SCARF1: variants seen among roughly 807,000 people sequenced by gnomAD.
SCARF1 encodes scavenger receptor class F member 1.
SCARF1 carries 49 observed loss-of-function variants against 76.3 expected under a neutral mutation model. The observed-to-expected ratio is 0.64, with a 90% CI of 0.51 to 0.81. The LOEUF (loss-of-function observed/expected upper bound fraction) is 0.81. Ranked by LOEUF, SCARF1 falls within the 40% of genes least tolerant of loss-of-function variation. The pLI, the probability that SCARF1 is intolerant of heterozygous loss-of-function variation, is 0.00. For missense variants in SCARF1, 1,098 were observed against 1,143.9 expected, an observed-to-expected ratio of 0.96 and a Z score of 0.58; for synonymous variants, 495 against 474.6, an observed-to-expected ratio of 1.04 and a Z score of -0.56.
In SCARF1 at chr17:1,640,088, C is replaced by G. The variant is rs749479214; in HGVS notation, c.1011-48G>C. ...GAAGGGGAGACCAAGGCAGGCCTGG[C>G]CCCCACTGTGGGGCCCCACCCCTCC... is the stretch of plus-strand genomic sequence containing the variant. On this transcript the variant is annotated intron_variant, in intron 5 of 10. Coordinates refer to ENST00000263071, the MANE Select transcript of SCARF1 (RefSeq NM_003693.4). This position sits in a 1 kb window ranked among gnomAD's most constrained non-coding sequence, Gnocchi z 4.7. The G allele has an allele frequency of 1.3e-6, 2 of 1,598,666 alleles. No homozygotes were observed. The highest frequency in any genetic ancestry group is 8.5e-7 in the Non-Finnish European group (1 of 1,172,774).
Position 1,640,040 on chromosome 17 carries a change from C to T in SCARF1, c.1011G>A (p.Arg337=). The T allele has an allele frequency of 3.1e-6, 5 of 1,613,292 alleles. No individual in the cohort carries two copies. The highest frequency in any genetic ancestry group is 3.4e-6 in the Non-Finnish European group (4 of 1,179,794). The change falls in exon 6 of 11, where the codon AGG becomes AGA. Residue 337 remains arginine (R), a splice_region_variant and synonymous_variant. Coordinates refer to ENST00000263071, the MANE Select transcript of SCARF1 (RefSeq NM_003693.4). The surrounding 1 kb of genome is among the most constrained non-coding windows in gnomAD (Gnocchi z 4.7). ...TACCAGTGGGGCAGGGGTCTTCACA[C>T]CTGGGGTGAGGCAAGACTCGGGGAA... is the stretch of plus-strand genomic sequence containing the variant. ...QRCDPGWLGP[R]CEDPCPTGTF...
At chr17:1,639,053 C>G in intron 7 of SCARF1, 127 bp from the exon 8 acceptor site, 1 of 990,922 alleles carries the variant, frequency 1.0e-6, no homozygotes, top group Non-Finnish European at 1.5e-6. Flanking sequence ...GGCAGCCCCT[C>G]TGCTGGCGTG....
Position 1,644,309 on chromosome 17 carries a change from G to C in SCARF1, c.266-342C>G. ...CTCCCTGCCGAGATGGATCTCTGCT[G>C]GGCTGGAGGAGAGCTGGCTTTCTCC... is the stretch of plus-strand genomic sequence containing the variant. On this transcript the variant is annotated intron_variant, in intron 3 of 10. Transcript: ENST00000263071. The surrounding 1 kb of genome is among the most constrained non-coding windows in gnomAD (Gnocchi z 4.8). 3.2e-6 allele frequency: 1 copy of C among 309,362 alleles called. No homozygotes were observed. Among genetic ancestry groups the C allele is most frequent in the Non-Finnish European group, 5.9e-6 (1 of 168,464 alleles). 19.2% of individuals were successfully genotyped at this position (309,362 alleles called of 1,614,324 possible).
Position 1,644,845 on chromosome 17 carries a change from T to G in SCARF1, c.254A>C (p.His85Pro). Residue 85 changes from histidine (H) to proline (P), a missense_variant, in exon 3 of 11, where the codon CAC becomes CCC. His to Pro is a moderately conservative substitution (Grantham distance 77, BLOSUM62 -2). Coordinates refer to ENST00000263071, the MANE Select transcript of SCARF1 (RefSeq NM_003693.4). The surrounding 1 kb of genome is among the most constrained non-coding windows in gnomAD (Gnocchi z 4.8). ...CRCKPGFFGA[H>P]CSSRCPGQYW... ...CCCTTGAGACTCACGGGAGCTGCAG[T>G]GGGCCCCAAAGAATCCAGGCTTGCA... 1 of 1,612,946 alleles carries G rather than the reference T, an allele frequency of 6.2e-7. No individual in the cohort carries two copies. Among genetic ancestry groups the G allele is most frequent in the Middle Eastern group, 1.6e-4 (1 of 6,062 alleles).
At position 1,644,044 on chromosome 17, in the gene SCARF1, G is replaced by C. The variant is rs894456135; in HGVS notation, c.266-77C>G. ...CCTTACCCTGCGTCCCCTTCCTCAAGGAAAAGGGGCGCTGGGCCCATCCTC... is the reference window on the plus strand; with the variant it reads ...CCTTACCCTGCGTCCCCTTCCTCAACGAAAAGGGGCGCTGGGCCCATCCTC... On this transcript the variant is annotated intron_variant, in intron 3 of 10. Transcript: ENST00000263071. This position sits in a 1 kb window ranked among gnomAD's most constrained non-coding sequence, Gnocchi z 4.8. 8.7e-7 allele frequency: 1 copy of C among 1,148,544 alleles called. No individual in the cohort carries two copies. The highest frequency in any genetic ancestry group is 4.2e-5 in the Admixed American group (1 of 23,560). The allele number at this position is 1,148,544 out of a possible 1,614,324, so 71.1% of individuals were successfully genotyped here.
rs369553841 is a variant in SCARF1, at chr17:1,635,471, C to T, written c.1780G>A (p.Glu594Lys). 13 of 1,613,924 alleles carry T rather than the reference C, an allele frequency of 8.1e-6. No individual in the cohort carries two copies. The African/African-American group carries it at 1.7e-4, about 22-fold the overall frequency. The stretch of plus-strand genomic sequence containing the variant: ...CTCTGTGGTGCAAACTTGGTACCTT[C>T]CGCGAAGGAGACCGATGGCCGCTTG... ...RAKRPSVSFA[E>K]GTKFAPQSRR... Residue 594 changes from glutamate to lysine, a missense_variant, in exon 11 of 11, where the codon GAA (glutamate) becomes AAA (lysine). Glu to Lys is a moderately conservative substitution (Grantham distance 56). Transcript: ENST00000263071.
Position 1,635,023 on chromosome 17 carries a change from G to A in SCARF1, c.2228C>T (p.Pro743Leu). 3 of 1,613,914 alleles carry A rather than the reference G, an allele frequency of 1.9e-6. No homozygotes were observed. Among genetic ancestry groups the A allele is most frequent in the Non-Finnish European group, 2.5e-6 (3 of 1,179,898 alleles). ...GCCGACAGAGCCAGAGGCAAGGCCA[G>A]GGCTGCCCTTTTTCCGATTCAGGGC... ...RQALNRKKGS[P>L]GLASGSVGQS... The change falls in exon 11 of 11, where the codon CCT (proline) becomes CTT (leucine). Residue 743 changes from proline (P) to leucine (L), a missense_variant. Coordinates refer to ENST00000263071, the MANE Select transcript of SCARF1 (RefSeq NM_003693.4).
At chr17:1,643,082 C>T (rs1404498965) in intron 4 of SCARF1, among the ~76,000 whole-genome samples, 2 of 151,972 alleles carry the variant, frequency 1.3e-5, no homozygotes, top group Non-Finnish European at 2.9e-5. Context: ...CCTCCCGGCG[C>T]CCCGCCGCGG....
intron 4 of SCARF1, among the ~76,000 whole-genome samples, chr17:1,641,931 A>G (rs1306841552): frequency 2.0e-5 from 3 of 152,022 alleles, no homozygotes; most frequent in African/African-American, 7.2e-5. Flanking sequence ...CATGTTAGCC[A>G]GGCTGGTCTC....
chr17:1,635,322 G>C lies in SCARF1; in HGVS notation c.1929C>G (p.Ala643=). 6.2e-7 allele frequency: 1 copy of C among 1,612,646 alleles called. No individual in the cohort carries two copies. The highest frequency in any genetic ancestry group is 8.5e-7 in the Non-Finnish European group (1 of 1,179,384). The change falls in exon 11 of 11, where the codon GCC becomes GCG. Residue 643 remains alanine (A), a synonymous_variant. Transcript: ENST00000263071. ...TGGCAGCCGCCGGAAAGGACTCGGG[G>C]GCTTCTGCTTCCTCTGGGCCTGTGG... The part of the protein sequence containing the change: ...EESTGPEEAE[A]PESFPAAASP...
chr17:1,640,281 C>T lies in SCARF1; in HGVS notation c.1010+167G>A. 2 of 786,710 alleles carry T rather than the reference C, an allele frequency of 2.5e-6. No individual in the cohort carries two copies. Among genetic ancestry groups the T allele is most frequent in the South Asian group, 3.7e-5 (2 of 54,386 alleles). The allele number at this position is 786,710 out of a possible 1,614,324, so 48.7% of individuals were successfully genotyped here. A position where few individuals can be genotyped will look rare whatever the true frequency, so the allele number is the denominator to read the frequency against. On this transcript the variant is annotated intron_variant, in intron 5 of 10. Coordinates refer to ENST00000263071, the MANE Select transcript of SCARF1 (RefSeq NM_003693.4). This position sits in a 1 kb window ranked among gnomAD's most constrained non-coding sequence, Gnocchi z 4.7. Reference sequence around the variant, plus strand: ...AGAGGGGAGGGAGCTGGGATCCTGCCCAGGCCCCCCCAGAACCCACTGCTC... The same window carrying T: ...AGAGGGGAGGGAGCTGGGATCCTGCTCAGGCCCCCCCAGAACCCACTGCTC...
In SCARF1 at chr17:1,645,046, T is replaced by G; in HGVS notation, c.164-111A>C. ...TCCTCAAGAGGTGCCCCTTCAGGCC[T>G]GGGGGTGCGTCACAGGAGAAACCCT... On this transcript the variant is annotated intron_variant, in intron 2 of 10. Coordinates refer to ENST00000263071, the MANE Select transcript of SCARF1 (RefSeq NM_003693.4). The surrounding 1 kb of genome is among the most constrained non-coding windows in gnomAD (Gnocchi z 6.3). 6.6e-7 allele frequency: 1 copy of G among 1,522,460 alleles called. No homozygotes were observed. The highest frequency in any genetic ancestry group is 9.0e-7 in the Non-Finnish European group (1 of 1,111,964). 94.3% of individuals were successfully genotyped at this position (1,522,460 alleles called of 1,614,324 possible). A position where few individuals can be genotyped will look rare whatever the true frequency, so the allele number is the denominator to read the frequency against.
rs1412665542 is a variant in SCARF1 at position 1,635,549 on chromosome 17, CAG to C, written c.1700_1701del (p.Pro567ArgfsTer61). On this transcript the variant is annotated frameshift_variant, in exon 11 of 11. Coordinates refer to ENST00000263071, the MANE Select transcript of SCARF1 (RefSeq NM_003693.4). LOFTEE classifies it low-confidence loss of function (END_TRUNC). ...ASLAAGAFPP[P>X]EDASTPFAIP... ...ATGGCGAATGGCGTGGAGGCGTCCT[CAG>C]GGGGCGGGAAAGCACCTGCAGCCAG... 3 of 1,612,358 alleles carry C rather than the reference CAG, an allele frequency of 1.9e-6. No individual in the cohort carries two copies. Among genetic ancestry groups the C allele is most frequent in the Non-Finnish European group, 2.5e-6 (3 of 1,179,986 alleles).
intron 7 of SCARF1, 58 bp downstream of exon 7, chr17:1,639,581 C>T: frequency 8.2e-7 from 1 of 1,223,414 alleles, no homozygotes; most frequent in Non-Finnish European, 1.2e-6. Flanking sequence ...CCCTGGAGCC[C>T]ATGTGAAGGG....
Position 1,640,606 on chromosome 17 carries a change from G to C in SCARF1, c.852C>G (p.Cys284Trp). The C allele has an allele frequency of 6.2e-7, 1 of 1,612,272 alleles. No homozygotes were observed. The highest frequency in any genetic ancestry group is 8.5e-7 in the Non-Finnish European group (1 of 1,179,678). Reference protein sequence around the residue: ...CSPDTGSCESCEPGWNGTQCQ... With the variant: ...CSPDTGSCESWEPGWNGTQCQ... ...ACTGGGTCCCGTTCCAGCCCGGCTC[G>C]CAGGACTCACAGCTGCCTGTGTCTG... The change falls in exon 5 of 11, where the codon TGC becomes TGG. Residue 284 changes from cysteine to tryptophan, a missense_variant. Physicochemically the swap from Cys to Trp is radical, Grantham distance 215. Transcript: ENST00000263071. This position sits in a 1 kb window ranked among gnomAD's most constrained non-coding sequence, Gnocchi z 4.7.
chr17:1,639,194 C>T (rs1266592881), intron 7 of SCARF1, among the ~76,000 whole-genome samples: 1 of 152,208 alleles, frequency 6.6e-6, no homozygotes, highest in Admixed American at 6.5e-5. Context: ...AGAGCATCCA[C>T]ACAGAGCTCA....
In SCARF1 at chr17:1,634,648, C is replaced by G; in HGVS notation, c.*110G>C. On this transcript the variant is annotated 3_prime_UTR_variant, in exon 11 of 11. Transcript: ENST00000263071. ...ACTGGCCTGGAAGCCTTGCCTTTTC[C>G]CTGTGGAGGCGCAGAGGCTCTGGTT... 3 of 1,433,586 alleles carry G rather than the reference C, an allele frequency of 2.1e-6. No individual in the cohort carries two copies. Among genetic ancestry groups the G allele is most frequent in the Non-Finnish European group, 2.8e-6 (3 of 1,075,236 alleles). 88.8% of individuals were successfully genotyped at this position (1,433,586 alleles called of 1,614,324 possible). A position where few individuals can be genotyped will look rare whatever the true frequency, so the allele number is the denominator to read the frequency against.
intron 4 of SCARF1, among the ~76,000 whole-genome samples, chr17:1,642,489 C>T (rs1221748488): frequency 6.6e-6 from 1 of 152,054 alleles, no homozygotes; most frequent in Middle Eastern, 3.2e-3. Context: ...CCAATTTCTT[C>T]CATGTCCCTA....
intron 7 of SCARF1, among the ~76,000 whole-genome samples, chr17:1,639,276 T>C (rs1475218160): frequency 4.6e-5 from 7 of 152,044 alleles, no homozygotes. Context: ...GAGGCCGAGG[T>C]GGGCAGATCA....
Sources: gnomAD v4.1 joint callset for allele counts (sites outside exome capture counted in the v4.1 genomes callset) on GRCh38, gnomAD v4.1.1 for gene constraint, Gnocchi (gnomAD v3.1) non-coding constraint, MANE v1.5 for transcripts, NCBI Gene and HGNC (gene_info 2026-07-23, HGNC 2026-07-21) for gene names.